CPSF3: variants seen among roughly 807,000 people sequenced by gnomAD.
CPSF3 encodes cleavage and polyadenylation specificity factor subunit 3.
CPSF3 carries 57 observed loss-of-function variants against 84.1 expected under a neutral mutation model. That is an observed-to-expected ratio of 0.68 (90% CI 0.55 to 0.85). The LOEUF (loss-of-function observed/expected upper bound fraction) is 0.85. Among genes scored for constraint, CPSF3 ranks in the 40% least tolerant of loss-of-function variants. The probability of loss-of-function intolerance (pLI) is 0.00; values close to 1 mark genes in which losing one functional copy is unlikely to be tolerated. For missense variants in CPSF3, 522 were observed against 838.8 expected (o/e 0.62, Z 4.66); for synonymous variants, 275 against 278.1 (o/e 0.99, Z 0.11).
intron 6 of CPSF3, among the ~76,000 whole-genome samples, chr2:9,435,614 G>A (rs1680750501): frequency 6.6e-6 from 1 of 151,756 alleles, no homozygotes; most frequent in African/African-American, 2.4e-5. Flanking sequence ...GTAGAGACGG[G>A]GTTTCATCCT....
intron 11 of CPSF3, among the ~76,000 whole-genome samples, chr2:9,449,461 G>T (rs985808947): frequency 2.6e-5 from 4 of 151,948 alleles, no homozygotes; most frequent in Admixed American, 2.6e-4. Flanking sequence ...AGTAATCAAG[G>T]CTGGGCACGG....
intron 7 of CPSF3, among the ~76,000 whole-genome samples, chr2:9,437,216 C>T (rs1028709488): frequency 6.6e-6 from 1 of 152,066 alleles, no homozygotes; most frequent in African/African-American, 2.4e-5. Flanking sequence ...CCAGCCTGGC[C>T]ATCATGGTGA....
At position 9,465,063 on chromosome 2, in the gene CPSF3, T is replaced by A. The variant is rs187382215; in HGVS notation, c.1787-2644T>A. ...ACGAATTAAAAAGAATTAGATGAAG[T>A]ATGGTTTGAATTCTAGAATAGTTTA... On this transcript the variant is annotated intron_variant, in intron 15 of 17. Transcript: ENST00000238112. Among the ~76,000 whole-genome samples the A allele has an allele frequency of 4.8e-3, 737 of 152,238 alleles. 3 individuals carry two copies. The highest frequency in any genetic ancestry group is 5.9e-3 in the Non-Finnish European group (400 of 68,028).
intron 14 of CPSF3, among the ~76,000 whole-genome samples, chr2:9,459,200 A>G (rs1278159802): frequency 2.0e-5 from 3 of 152,192 alleles, no homozygotes; most frequent in African/African-American, 7.2e-5. Context: ...GTTCAGTCCC[A>G]GCACCAGTAA....
intron 4 of CPSF3, among the ~76,000 whole-genome samples, chr2:9,431,992 T>C (rs1680604850): frequency 6.6e-6 from 1 of 152,244 alleles, no homozygotes; most frequent in African/African-American, 2.4e-5. Context: ...GAGCAAGGAT[T>C]TGAACCCAAA....
At chr2:9,426,212 A>G (rs1037874998) in intron 1 of CPSF3, among the ~76,000 whole-genome samples, 1 of 152,180 alleles carries the variant, frequency 6.6e-6, no homozygotes, top group African/African-American at 2.4e-5. Context: ...AGGTACAATA[A>G]CTTCATGTAG....
chr2:9,440,127 A>AT (rs1366146700), intron 7 of CPSF3, among the ~76,000 whole-genome samples: 4 of 152,106 alleles, frequency 2.6e-5, no homozygotes, highest in Non-Finnish European at 5.9e-5. Flanking sequence ...CCATCACAGA[A>AT]TTTTTTCTAG....
chr2:9,444,664 GTTT>G (rs1681071040), intron 10 of CPSF3, among the ~76,000 whole-genome samples: 1 of 28,926 alleles, frequency 3.5e-5, no homozygotes. Flanking sequence ...TTTTTGGTTT[GTTT>G]GTTTGTTTGT....
chr2:9,439,472 CAA>C (rs34127364), intron 7 of CPSF3, among the ~76,000 whole-genome samples: 13 of 104,166 alleles, frequency 1.2e-4, no homozygotes, highest in Admixed American at 1.1e-4. Context: ...GACTCCATCT[CAA>C]AAAAAAAAAA....
At chr2:9,466,244 G>A (rs1247155419) in intron 15 of CPSF3, among the ~76,000 whole-genome samples, 75 of 114,692 alleles carry the variant, frequency 6.5e-4, no homozygotes, top group African/African-American at 2.2e-3. Context: ...GTGCGCGCAC[G>A]CACGCGCACA....
At chr2:9,463,549 G>A (rs1681804239) in intron 15 of CPSF3, among the ~76,000 whole-genome samples, 1 of 152,248 alleles carries the variant, frequency 6.6e-6, no homozygotes, top group African/African-American at 2.4e-5. Flanking sequence ...AGCATGGACA[G>A]TTGTCACTCG....
intron 16 of CPSF3, among the ~76,000 whole-genome samples, chr2:9,468,194 T>C (rs1016516525): frequency 2.6e-5 from 4 of 152,222 alleles, no homozygotes; most frequent in Non-Finnish European, 5.9e-5. Context: ...AAGCGATGAA[T>C]TAACTTTAAA....
At chr2:9,468,915 C>T (rs375708316) in intron 16 of CPSF3, among the ~76,000 whole-genome samples, 27 of 151,992 alleles carry the variant, frequency 1.8e-4, no homozygotes, top group Non-Finnish European at 3.2e-4. Flanking sequence ...TGTGAACCCC[C>T]GTGCCCGGCC....
chr2:9,467,570 A>G (rs1193670517), intron 15 of CPSF3, 137 bp from the exon 16 acceptor site: 1 of 532,360 alleles, frequency 1.9e-6, no homozygotes, highest in Non-Finnish European at 3.2e-6. Context: ...AAATAATACA[A>G]ATCCCTGCTT....
intron 7 of CPSF3, among the ~76,000 whole-genome samples, chr2:9,439,753 C>T (rs1423502859): frequency 6.6e-6 from 1 of 151,992 alleles, no homozygotes; most frequent in East Asian, 1.9e-4. Context: ...CTTTGGGAAG[C>T]TGGGCAGGAG....
At chr2:9,472,579 G>A (rs149951494) in intron 17 of CPSF3, among the ~76,000 whole-genome samples, 2 of 152,242 alleles carry the variant, frequency 1.3e-5, no homozygotes, top group East Asian at 1.9e-4. Flanking sequence ...AGCACTGCAC[G>A]CCCACAAGTG....
At chr2:9,459,874 T>TCCTGAC (rs1391186274) in intron 15 of CPSF3, among the ~76,000 whole-genome samples, 1 of 151,844 alleles carries the variant, frequency 6.6e-6, no homozygotes, top group Non-Finnish European at 1.5e-5. Context: ...GGTCTTGAAC[T>TCCTGAC]CCTGACCTCG....
intron 7 of CPSF3, among the ~76,000 whole-genome samples, chr2:9,440,222 T>C (rs1558453978): frequency 6.6e-6 from 1 of 152,214 alleles, no homozygotes; most frequent in Admixed American, 6.5e-5. Flanking sequence ...TGTAAACTTA[T>C]ACTGAGTCAT....
chr2:9,471,546 T>C (rs1379298052), intron 17 of CPSF3, 107 bp downstream of exon 17: 4 of 709,292 alleles, frequency 5.6e-6, no homozygotes, highest in Non-Finnish European at 1.0e-5. Flanking sequence ...TATTGGCATT[T>C]GCTTCCAGTG....
Sources: gnomAD v4.1 joint callset for allele counts (sites outside exome capture counted in the v4.1 genomes callset) on GRCh38, gnomAD v4.1.1 for gene constraint, MANE v1.5 for transcripts, NCBI Gene and HGNC (gene_info 2026-07-23, HGNC 2026-07-21) for gene names.